The following PPP2R2C variants were observed in gnomAD, a reference collection of about 807,000 sequenced individuals.
The protein encoded by PPP2R2C is protein phosphatase 2, regulatory subunit B, gamma.
In PPP2R2C, 10 loss-of-function variants were observed where a neutral mutation model predicts 45.3. The observed-to-expected ratio is 0.22, with a 90% CI of 0.14 to 0.37. The LOEUF (loss-of-function observed/expected upper bound fraction) is 0.37, where lower values mean the gene tolerates loss of function less well. Among genes scored for constraint, PPP2R2C ranks in the 10% least tolerant of loss-of-function variants. The pLI, the probability that PPP2R2C is intolerant of heterozygous loss-of-function variation, is 1.00. For missense variants in PPP2R2C, 308 were observed against 619.7 expected, an observed-to-expected ratio of 0.50 and a Z score of 5.34; for synonymous variants, 257 against 245.4, an observed-to-expected ratio of 1.05 and a Z score of -0.44.
intron 1 of PPP2R2C, among the ~76,000 whole-genome samples, chr4:6,410,844 TA>T (rs1407345901): frequency 1.6e-3 from 13 of 8,188 alleles, no homozygotes; most frequent in African/African-American, 2.0e-3. Context: ...CCCCCTGTTT[TA>T]TTTATTTATT....
chr4:6,382,257 A>C, intron 1 of PPP2R2C: 16 of 1,233,268 alleles, frequency 1.3e-5, no homozygotes, highest in Non-Finnish European at 1.7e-5. Context: ...GCTGCTGTGA[A>C]TGGGACCTCT....
intron 1 of PPP2R2C, among the ~76,000 whole-genome samples, chr4:6,439,486 GA>G (rs1356895615): frequency 6.6e-6 from 1 of 152,214 alleles, no homozygotes; most frequent in African/African-American, 2.4e-5. Flanking sequence ...AGGCAGAGAT[GA>G]AAAGGCTCTT....
chr4:6,443,532 G>A lies in PPP2R2C; in HGVS notation c.70+28628C>T, dbSNP rs111240903. On this transcript the variant is annotated intron_variant, in intron 1 of 8. Coordinates refer to ENST00000382599, the MANE Select transcript of PPP2R2C (RefSeq NM_020416.4). ...GGTACTTCTCAGAAGTCACTCTGCC[G>A]CAACATTCAGCTGGAACCTCAGCAG... Among the ~76,000 whole-genome samples, 1,369 of 152,216 alleles carry A rather than the reference G, an allele frequency of 9.0e-3. 21 individuals carry two copies. Among genetic ancestry groups the A allele is most frequent in the African/African-American group, 0.031 (1,273 of 41,536 alleles).
rs552341579 is a variant in PPP2R2C at position 6,423,010 on chromosome 4, T to C, written c.71-41916A>G. Among the ~76,000 whole-genome samples the C allele has an allele frequency of 9.9e-5, 15 of 152,210 alleles. No homozygotes were observed. In the South Asian group the frequency reaches 2.9e-3, roughly 30 times the overall value. ...CAGGGTACACCCCAGTGAGAAGGGG[T>C]TGTCATCGCATCCCAGGGCCACAGC... On this transcript the variant is annotated intron_variant, in intron 1 of 8. Transcript: ENST00000382599.
chr4:6,506,349 A>G (rs1453133595), intron 2 of PPP2R2C, among the ~76,000 whole-genome samples: 1 of 152,248 alleles, frequency 6.6e-6, no homozygotes, highest in Non-Finnish European at 1.5e-5. Context: ...AAAAATTATT[A>G]AATCATGTAA....
chr4:6,472,423 G>A lies in PPP2R2C; in HGVS notation c.-194C>T. 1 of 688,518 alleles carries A rather than the reference G, an allele frequency of 1.5e-6. No homozygotes were observed. Among genetic ancestry groups the A allele is most frequent in the Non-Finnish European group, 1.8e-6 (1 of 561,448 alleles). 42.7% of individuals were successfully genotyped at this position (688,518 alleles called of 1,614,324 possible). ...GGGCGGGCGCCGCGGTCAAGCGAGC[G>A]CGCGGTGGGCGGGCGGCGGCCGCGG... On this transcript the variant is annotated 5_prime_UTR_variant, in exon 1 of 9. Coordinates refer to ENST00000382599, the MANE Select transcript of PPP2R2C (RefSeq NM_020416.4).
At chr4:6,437,268 T>G (rs1719938661) in intron 1 of PPP2R2C, among the ~76,000 whole-genome samples, 1 of 152,224 alleles carries the variant, frequency 6.6e-6, no homozygotes, top group Non-Finnish European at 1.5e-5. Flanking sequence ...GCTCCATTTC[T>G]TCAACAAAGC....
At chr4:6,346,328 C>A (rs146233743) in intron 6 of PPP2R2C, among the ~76,000 whole-genome samples, 1 of 152,184 alleles carries the variant, frequency 6.6e-6, no homozygotes, top group Non-Finnish European at 1.5e-5. Context: ...TGTGGAGTCA[C>A]GGCCACTGCA....
At chr4:6,462,873 G>A (rs1389787012) in intron 1 of PPP2R2C, among the ~76,000 whole-genome samples, 2 of 152,158 alleles carry the variant, frequency 1.3e-5, no homozygotes, top group Admixed American at 1.3e-4. Context: ...TTGATAGATT[G>A]GAAGCAGTTC....
chr4:6,419,008 G>A (rs993673809), intron 1 of PPP2R2C, among the ~76,000 whole-genome samples: 8 of 152,208 alleles, frequency 5.3e-5, no homozygotes, highest in Admixed American at 1.3e-4. Flanking sequence ...GGAGGAAACC[G>A]TGCCCACTCA....
chr4:6,472,832 G>T (rs1198046647), upstream of PPP2R2C, among the ~76,000 whole-genome samples: 1 of 152,044 alleles, frequency 6.6e-6, no homozygotes, highest in Admixed American at 6.5e-5. Context: ...AGCTGAGCTT[G>T]GGGGGAGGGT....
chr4:6,381,808 C>T (rs765111544), intron 1 of PPP2R2C: 20 of 1,613,970 alleles, frequency 1.2e-5, no homozygotes, highest in Non-Finnish European at 1.5e-5. Context: ...GCTGGCCTTC[C>T]TGGATGGGCA....
chr4:6,424,312 C>A (rs1466508126), intron 1 of PPP2R2C, among the ~76,000 whole-genome samples: 2 of 152,242 alleles, frequency 1.3e-5, no homozygotes, highest in Non-Finnish European at 1.5e-5. Flanking sequence ...AACCACCTGC[C>A]ATCCTGCGTG....
In PPP2R2C at chr4:6,335,174, C is replaced by G. The variant is rs144289537; in HGVS notation, c.791-1443G>C. Among the ~76,000 whole-genome samples, 82 of 152,340 alleles carry G rather than the reference C, an allele frequency of 5.4e-4. 1 individual carries two copies. Among genetic ancestry groups the G allele is most frequent in the African/African-American group, 1.9e-3 (80 of 41,580 alleles). On this transcript the variant is annotated intron_variant, in intron 6 of 8. Transcript: ENST00000382599. The stretch of plus-strand genomic sequence containing the variant: ...CAGTGACCAGCATAAAGCCACTGTT[C>G]CTGTGCAGCCAACATTCTCCTTGCA...
At chr4:6,497,767 CA>C (rs1289724480) in intron 2 of PPP2R2C, among the ~76,000 whole-genome samples, 9 of 152,314 alleles carry the variant, frequency 5.9e-5, no homozygotes, top group Admixed American at 2.0e-4. Flanking sequence ...AGAAAGTACA[CA>C]AGGCCCTTCA....
intron 1 of PPP2R2C, among the ~76,000 whole-genome samples, chr4:6,445,599 A>G (rs1297880423): frequency 1.3e-5 from 2 of 152,330 alleles, no homozygotes; most frequent in East Asian, 3.9e-4. Flanking sequence ...CATGCCTGTA[A>G]TGCCAGCACT....
At chr4:6,503,435 C>T (rs1451973451) in intron 2 of PPP2R2C, among the ~76,000 whole-genome samples, 1 of 152,186 alleles carries the variant, frequency 6.6e-6, no homozygotes, top group Admixed American at 6.5e-5. Flanking sequence ...CTTTTCTTGG[C>T]CTTCTTTTTC....
intron 5 of PPP2R2C, among the ~76,000 whole-genome samples, chr4:6,369,824 G>C (rs569129157): frequency 1.3e-5 from 2 of 152,314 alleles, no homozygotes; most frequent in East Asian, 3.9e-4. Context: ...TGGCGGGGCT[G>C]TGTCCCCCAG....
chr4:6,334,210 G>A (rs1732647996), intron 6 of PPP2R2C, among the ~76,000 whole-genome samples: 1 of 152,148 alleles, frequency 6.6e-6, no homozygotes, highest in Admixed American at 6.5e-5. Flanking sequence ...TGTTCATGGT[G>A]TCCTGGGCAG....
Sources: gnomAD v4.1 joint callset for allele counts (sites outside exome capture counted in the v4.1 genomes callset) on GRCh38, gnomAD v4.1.1 for gene constraint, MANE v1.5 for transcripts, NCBI Gene and HGNC (gene_info 2026-07-23, HGNC 2026-07-21) for gene names.